CSMD1: variants seen among roughly 807,000 people sequenced by gnomAD.
CSMD1 encodes the protein CUB and sushi domain-containing protein 1.
A neutral mutation model predicts 417.5 loss-of-function variants in CSMD1; 213 were observed. The ratio of observed to expected loss-of-function variants is 0.51; its 90% confidence interval spans 0.46 to 0.57. The LOEUF (loss-of-function observed/expected upper bound fraction) is 0.57, where lower values mean the gene tolerates loss of function less well. Among genes scored for constraint, CSMD1 ranks in the 20% least tolerant of loss-of-function variants. The pLI, the probability that CSMD1 is intolerant of heterozygous loss-of-function variation, is 0.00. For synonymous variants in CSMD1, 2,862 were observed against 1,736.8 expected (o/e 1.65, Z -16.11); for missense variants, 6,923 against 4,529.7 (o/e 1.53, Z -15.17).
At chr8:3,852,710 G>T (rs1803999653) in intron 5 of CSMD1, among the ~76,000 whole-genome samples, 1 of 151,956 alleles carries the variant, frequency 6.6e-6, no homozygotes, top group Non-Finnish European at 1.5e-5. Flanking sequence ...AGGCTGTGAG[G>T]GACGGGAGAG....
chr8:3,893,645 T>C (rs1305905433), intron 5 of CSMD1, among the ~76,000 whole-genome samples: 2 of 151,802 alleles, frequency 1.3e-5, no homozygotes, highest in African/African-American at 4.8e-5. Context: ...TGCTCTCAGT[T>C]AGGAGAGGTA....
intron 10 of CSMD1, among the ~76,000 whole-genome samples, chr8:3,500,215 CT>C: frequency 6.6e-6 from 1 of 152,282 alleles, no homozygotes; most frequent in South Asian, 2.1e-4. Context: ...GTGTTCTCCC[CT>C]AGACACTGCA....
chr8:3,818,112 G>C (rs2623633), intron 5 of CSMD1, among the ~76,000 whole-genome samples: 2 of 151,768 alleles, frequency 1.3e-5, no homozygotes, highest in Admixed American at 1.3e-4. Flanking sequence ...TATTCCCTGA[G>C]AGCCCAGGAC....
intron 7 of CSMD1, among the ~76,000 whole-genome samples, chr8:3,658,261 T>A (rs1184152534): frequency 2.6e-5 from 4 of 152,010 alleles, no homozygotes; most frequent in African/African-American, 7.2e-5. Context: ...GGGAGTGAAA[T>A]GTATTTTTTT....
At chr8:3,277,347 G>A (rs542534127) in intron 26 of CSMD1, among the ~76,000 whole-genome samples, 89 of 152,304 alleles carry the variant, frequency 5.8e-4, no homozygotes, top group African/African-American at 1.7e-3. Flanking sequence ...GTGCCTGTGC[G>A]CAGGTGGGCC....
intron 1 of CSMD1, among the ~76,000 whole-genome samples, chr8:4,754,294 T>C (rs1811529277): frequency 1.3e-5 from 2 of 152,190 alleles, no homozygotes; most frequent in Non-Finnish European, 2.9e-5. Context: ...ATTGCACTGT[T>C]ACCCGGTAGA....
At position 3,323,489 on chromosome 8, in the gene CSMD1, C is replaced by T. The variant is rs1446308691; in HGVS notation, c.3632-14986G>A. Among the ~76,000 whole-genome samples, 4 of 152,276 alleles carry T rather than the reference C, an allele frequency of 2.6e-5. No individual in the cohort carries two copies. The East Asian group carries it at 7.7e-4, about 29-fold the overall frequency. On this transcript the variant is annotated intron_variant, in intron 23 of 69. Coordinates refer to ENST00000635120, the MANE Select transcript of CSMD1 (RefSeq NM_033225.6). ...CACATACTCCACACCCATGATCTTA[C>T]TCACACCATTTTTAGAAGGAGTTAA...
chr8:3,925,276 T>C (rs1350489978), intron 5 of CSMD1, among the ~76,000 whole-genome samples: 1 of 152,244 alleles, frequency 6.6e-6, no homozygotes, highest in Non-Finnish European at 1.5e-5. Context: ...CTTCAGCGAT[T>C]GCTACAATAA....
chr8:4,788,555 G>C, intron 1 of CSMD1: 2 of 1,366,782 alleles, frequency 1.5e-6, no homozygotes, highest in Non-Finnish European at 2.0e-6. Flanking sequence ...CTTGAAGCAG[G>C]CTGACAAGAA....
chr8:4,390,748 C>T (rs918452835), intron 3 of CSMD1, among the ~76,000 whole-genome samples: 1 of 151,706 alleles, frequency 6.6e-6, no homozygotes, highest in Non-Finnish European at 1.5e-5. Flanking sequence ...CTTCTGACCT[C>T]GTCAGGATGG....
intron 5 of CSMD1, among the ~76,000 whole-genome samples, chr8:3,975,594 T>C (rs1687866462): frequency 6.6e-6 from 1 of 152,086 alleles, no homozygotes; most frequent in Admixed American, 6.6e-5. Context: ...GGGCACCTCG[T>C]GTGGATTAGA....
chr8:4,602,044 A>G (rs1341442636), intron 2 of CSMD1, among the ~76,000 whole-genome samples: 1 of 152,210 alleles, frequency 6.6e-6, no homozygotes, highest in African/African-American at 2.4e-5. Context: ...CCCCAAGAAG[A>G]ATGAATATAG....
intron 2 of CSMD1, among the ~76,000 whole-genome samples, chr8:4,635,874 G>C (rs1024241846): frequency 6.6e-6 from 1 of 151,988 alleles, no homozygotes; most frequent in South Asian, 2.1e-4. Context: ...TTTCAGAAAA[G>C]AGACGGCCAT....
chr8:4,466,055 T>A (rs1029307474), intron 2 of CSMD1, among the ~76,000 whole-genome samples: 2 of 152,224 alleles, frequency 1.3e-5, no homozygotes, highest in African/African-American at 4.8e-5. Context: ...CATCCAATGA[T>A]AACACAAGTC....
intron 5 of CSMD1, among the ~76,000 whole-genome samples, chr8:3,801,218 G>T (rs116533455): frequency 2.7e-5 from 4 of 149,722 alleles, no homozygotes; most frequent in Non-Finnish European, 4.5e-5. Context: ...CATCCAAAAC[G>T]GTCTAATAAC....
chr8:3,249,951 T>G (rs1800147245), intron 26 of CSMD1, among the ~76,000 whole-genome samples: 2 of 152,226 alleles, frequency 1.3e-5, no homozygotes, highest in African/African-American at 4.8e-5. Context: ...AATTATTATA[T>G]TTTGCATGTC....
chr8:4,760,657 G>A (rs930563599), intron 1 of CSMD1, among the ~76,000 whole-genome samples: 2 of 152,296 alleles, frequency 1.3e-5, no homozygotes, highest in East Asian at 1.9e-4. Context: ...GGTATCATGA[G>A]TAACATTTTG....
intron 1 of CSMD1, among the ~76,000 whole-genome samples, chr8:4,655,728 A>G (rs1001445911): frequency 6.6e-6 from 1 of 152,166 alleles, no homozygotes; most frequent in African/African-American, 2.4e-5. Flanking sequence ...AATGATGTTC[A>G]TAAGAAATGC....
chr8:3,160,974 G>C (rs1429305423), intron 38 of CSMD1, among the ~76,000 whole-genome samples: 1 of 152,174 alleles, frequency 6.6e-6, no homozygotes, highest in East Asian at 1.9e-4. Context: ...CGGCTGTAGT[G>C]TTGCAACTCT....
Sources: gnomAD v4.1 joint callset for allele counts (sites outside exome capture counted in the v4.1 genomes callset) on GRCh38, gnomAD v4.1.1 for gene constraint, MANE v1.5 for transcripts, NCBI Gene and HGNC (gene_info 2026-07-23, HGNC 2026-07-21) for gene names.